Variants in PPP2R1B observed in about 807,000 individuals in gnomAD.
PPP2R1B encodes the protein protein phosphatase 2 scaffold subunit Abeta.
In PPP2R1B, 58 loss-of-function variants were observed where a neutral mutation model predicts 72.7. The observed-to-expected ratio is 0.80, with a 90% CI of 0.65 to 0.99. The LOEUF (loss-of-function observed/expected upper bound fraction) is 0.99, where lower values mean the gene tolerates loss of function less well. Among genes scored for constraint, PPP2R1B ranks in the 50% least tolerant of loss-of-function variants. PPP2R1B has a pLI of 0.00. For missense variants in PPP2R1B, 695 were observed against 733.6 expected (o/e 0.95, Z 0.61); for synonymous variants, 256 against 264.6 (o/e 0.97, Z 0.32).
intron 15 of PPP2R1B, chr11:111,730,755 C>T (rs1944164923): frequency 6.6e-6 from 1 of 151,956 alleles, no homozygotes; most frequent in African/African-American, 2.4e-5. Context: ...ATCTCTGTAC[C>T]AAATAGTAAT....
At chr11:111,701,111 A>T in the PPP2R1B span, 1 of 1,426,896 alleles carries the variant, frequency 7.0e-7, no homozygotes, top group African/African-American at 1.4e-5. This position sits in a 1 kb window ranked among gnomAD's most constrained non-coding sequence, Gnocchi z 4.2. Flanking sequence ...CATAAGCAGT[A>T]TTTCATATTT....
chr11:111,694,594 T>A, the PPP2R1B span, among the ~76,000 whole-genome samples: 32 of 152,338 alleles, frequency 2.1e-4, no homozygotes, highest in South Asian at 3.7e-3. Flanking sequence ...AAATATTTTT[T>A]AAAAATTTTT....
the PPP2R1B span, chr11:111,720,901 A>G: frequency 4.3e-6 from 7 of 1,613,314 alleles, no homozygotes; most frequent in Non-Finnish European, 5.9e-6. Context: ...TCTTTCAGGA[A>G]TTGTAGCATT....
the PPP2R1B span, chr11:111,688,232 C>T: frequency 1.3e-6 from 2 of 1,506,050 alleles, no homozygotes; most frequent in Non-Finnish European, 1.8e-6. The surrounding 1 kb of genome is among the most constrained non-coding windows in gnomAD (Gnocchi z 4.2). Flanking sequence ...GGAAACAGAC[C>T]TGCAGGCGCA....
At chr11:111,764,749 T>C in intron 3 of PPP2R1B, 56 bp downstream of exon 3, 3 of 1,547,424 alleles carry the variant, frequency 1.9e-6, no homozygotes, top group Non-Finnish European at 2.7e-6. Context: ...CCAAACAATG[T>C]ATCATTTATA....
chr11:111,743,299 A>T, intron 12 of PPP2R1B, 77 bp downstream of exon 12: 1 of 1,368,852 alleles, frequency 7.3e-7, no homozygotes, highest in Non-Finnish European at 1.0e-6. Flanking sequence ...AAGACAGTAT[A>T]CTGATAATTC....
intron 11 of PPP2R1B, among the ~76,000 whole-genome samples, chr11:111,745,024 G>A (rs1029863980): frequency 2.0e-5 from 3 of 150,520 alleles, no homozygotes; most frequent in Non-Finnish European, 4.4e-5. Flanking sequence ...GAGCTAGCTA[G>A]AGTATTTGTG....
chr11:111,765,815 T>C (rs1945508970), intron 1 of PPP2R1B: 1 of 473,120 alleles, frequency 2.1e-6, no homozygotes, highest in Non-Finnish European at 4.2e-6. Flanking sequence ...GCCGAGCCAG[T>C]TCCAAGCCGA....
intron 8 of PPP2R1B, 81 bp from the exon 9 acceptor site, chr11:111,753,658 G>C (rs1438759232): frequency 1.4e-6 from 2 of 1,419,274 alleles, no homozygotes; most frequent in African/African-American, 2.9e-5. Flanking sequence ...ACAGAGTCTT[G>C]CTCTGTTGCC....
chr11:111,761,174 T>C (rs548429850), intron 3 of PPP2R1B, 123 bp from the exon 4 acceptor site: 13 of 849,076 alleles, frequency 1.5e-5, no homozygotes, highest in Middle Eastern at 2.1e-4. Context: ...AGCTGCATCA[T>C]ACCAAATGGT....
At chr11:111,712,201 ATATTT>A in the PPP2R1B span, 1 of 1,613,304 alleles carries the variant, frequency 6.2e-7, no homozygotes, top group Non-Finnish European at 8.5e-7. Flanking sequence ...TGTTCTTGCC[ATATTT>A]ACAGGCACAG....
At chr11:111,729,346 T>G (rs1366663760) in intron 15 of PPP2R1B, 1 of 152,226 alleles carries the variant, frequency 6.6e-6, no homozygotes, top group African/African-American at 2.4e-5. Flanking sequence ...GCCCAGATAC[T>G]CTGCTCGCCC....
the PPP2R1B span, chr11:111,701,559 G>A: frequency 1.9e-5 from 31 of 1,613,406 alleles, no homozygotes; most frequent in African/African-American, 8.0e-5. This position sits in a 1 kb window ranked among gnomAD's most constrained non-coding sequence, Gnocchi z 4.2. Flanking sequence ...TCCGGATTCC[G>A]TATTTCATGT....
chr11:111,730,958 C>T (rs1425835698), intron 15 of PPP2R1B: 1 of 152,234 alleles, frequency 6.6e-6, no homozygotes, highest in Non-Finnish European at 1.5e-5. Context: ...TCTCTGAGTT[C>T]TGGTGCTCAT....
intron 4 of PPP2R1B, 26 bp downstream of exon 4, chr11:111,760,793 C>G: frequency 6.2e-7 from 1 of 1,600,156 alleles, no homozygotes. Context: ...TCTGCTTTAA[C>G]AAGGCAAAAA....
the PPP2R1B span, among the ~76,000 whole-genome samples, chr11:111,698,358 G>C: frequency 6.6e-6 from 1 of 152,182 alleles, no homozygotes; most frequent in Non-Finnish European, 1.5e-5. Context: ...TTCTTGACAG[G>C]CCTCTGTCCC....
Position 111,741,613 on chromosome 11 carries a change from C to G in PPP2R1B, c.1790-1G>C, listed in dbSNP as rs1370106585. The G allele has an allele frequency of 6.2e-7, 1 of 1,613,062 alleles. No homozygotes were observed. On this transcript the variant is annotated splice_acceptor_variant, in intron 14 of 14. Coordinates refer to ENST00000527614, the MANE Select transcript of PPP2R1B (RefSeq NM_002716.5). LOFTEE classifies it high-confidence loss of function. ...GCTCCTCATTATGCCAATGCAAGAA[C>G]TGGAAAATTCCAAACAAAATCAGGT...
the PPP2R1B span, among the ~76,000 whole-genome samples, chr11:111,721,668 G>A: frequency 1.3e-5 from 2 of 152,200 alleles, no homozygotes; most frequent in African/African-American, 4.8e-5. Flanking sequence ...GTTCTGCAGA[G>A]TAATGAGCCC....
intron 1 of PPP2R1B, chr11:111,765,787 C>T (rs1353773618): frequency 1.5e-5 from 7 of 474,632 alleles, no homozygotes; most frequent in African/African-American, 1.4e-4. Flanking sequence ...CATCCCACCC[C>T]CGCTTTCTAC....
Sources: gnomAD v4.1 joint callset for allele counts (sites outside exome capture counted in the v4.1 genomes callset) on GRCh38, gnomAD v4.1.1 for gene constraint, Gnocchi (gnomAD v3.1) non-coding constraint, MANE v1.5 for transcripts, NCBI Gene and HGNC (gene_info 2026-07-23, HGNC 2026-07-21) for gene names.